BCLAF3: variants seen among roughly 807,000 people sequenced by gnomAD.
BCLAF3 encodes BCLAF1 and THRAP3 family member 3, also known as transient octamer binding factor 1.
A neutral mutation model predicts 51.2 loss-of-function variants in BCLAF3; 24 were observed. The ratio of observed to expected loss-of-function variants is 0.47; its 90% CI spans 0.34 to 0.66. The LOEUF (loss-of-function observed/expected upper bound fraction) is 0.66, where lower values mean the gene tolerates loss of function less well. Ranked by LOEUF, BCLAF3 falls within the 30% of genes least tolerant of loss-of-function variation. The pLI is 0.01. For synonymous variants in BCLAF3, 152 were observed against 176.6 expected, an observed-to-expected ratio of 0.86 and a Z score of 1.10; for missense variants, 465 against 525.1, an observed-to-expected ratio of 0.89 and a Z score of 1.12.
In BCLAF3 at chrX:19,950,746, T is replaced by C; in HGVS notation, c.1745+7A>G. On this transcript the variant is annotated splice_region_variant and intron_variant, in intron 8 of 11. Transcript: ENST00000379682. ...TGATAACAGGATGTTTGTCATCTAC[T>C]GATTACCTCTCTGCAGCACTAGCTA... The C allele has an allele frequency of 1.7e-6, 2 of 1,166,845 alleles. No individual in the cohort carries two copies. The highest frequency in any genetic ancestry group is 2.3e-6 in the Non-Finnish European group (2 of 858,074).
rs746307451 is a variant in BCLAF3 at position 19,974,999 on chromosome X, C to A, written c.-34-4701G>T. Among the ~76,000 whole-genome samples, 3 of 112,056 alleles carry A rather than the reference C, an allele frequency of 2.7e-5. No individual in the cohort carries two copies. The South Asian group carries it at 1.1e-3, about 41-fold the overall frequency. On this transcript the variant is annotated intron_variant, in intron 1 of 11. Coordinates refer to ENST00000379682, the MANE Select transcript of BCLAF3 (RefSeq NM_001367774.2). ...TTAGCTTTGGGGTGATGAAAATATT[C>A]TAAAATTAGATCAGATATTATGGAG...
intron 10 of BCLAF3, 119 bp downstream of exon 10, chrX:19,935,690 G>A (rs2070731868): frequency 3.5e-6 from 2 of 569,186 alleles, no homozygotes; most frequent in African/African-American, 2.3e-5. Flanking sequence ...AGAAATACTA[G>A]TTTATAGCTA....
chrX:19,938,655 C>T (rs1372219167), intron 8 of BCLAF3, among the ~76,000 whole-genome samples: 1 of 112,618 alleles, frequency 8.9e-6, no homozygotes, highest in East Asian at 2.8e-4. Context: ...CCTTGGCCTC[C>T]CAAAGTGCTG....
chrX:19,933,977 T>A (rs1427174331), intron 10 of BCLAF3, among the ~76,000 whole-genome samples: 2 of 110,987 alleles, frequency 1.8e-5, no homozygotes, highest in East Asian at 5.7e-4. Flanking sequence ...GGTTTTGCCA[T>A]GTTGCCCAGG....
intron 1 of BCLAF3, among the ~76,000 whole-genome samples, 126 bp downstream of exon 1, chrX:19,990,782 G>A (rs979182250): frequency 2.7e-5 from 3 of 111,717 alleles, no homozygotes; most frequent in Non-Finnish European, 5.7e-5. Flanking sequence ...AACAGAACCC[G>A]AGTCGGACCG....
chrX:19,929,831 C>T lies in BCLAF3; in HGVS notation c.2060G>A (p.Gly687Glu). The T allele has an allele frequency of 8.3e-7, 1 of 1,208,791 alleles. No individual in the cohort carries two copies. Among genetic ancestry groups the T allele is most frequent in the Non-Finnish European group, 1.1e-6 (1 of 894,063 alleles). ...TTCTCTGAACTTATGAGTGATAAAT[C>T]CCCTTGGGCCAGTGAACCGTAAACG... ...YQRLRFTGPR[G>E]FITHKFRERL... Residue 687 changes from glycine to glutamate, a missense_variant, in exon 11 of 12, where the codon GGA becomes GAA. Transcript: ENST00000379682.
At chrX:19,934,235 T>C (rs1195269041) in intron 10 of BCLAF3, among the ~76,000 whole-genome samples, 1 of 112,502 alleles carries the variant, frequency 8.9e-6, no homozygotes, top group Non-Finnish European at 1.9e-5. Context: ...TATGAATTTA[T>C]GTTAAAGTAT....
At chrX:19,946,128 C>T (rs1395961611) in intron 8 of BCLAF3, among the ~76,000 whole-genome samples, 17 of 111,037 alleles carry the variant, frequency 1.5e-4, no homozygotes, top group Admixed American at 1.2e-3. Flanking sequence ...CGCCCTGCTT[C>T]GGCTCGCGCC....
At chrX:19,938,185 T>G (rs905427498) in intron 8 of BCLAF3, among the ~76,000 whole-genome samples, 3 of 111,059 alleles carry the variant, frequency 2.7e-5, no homozygotes, top group African/African-American at 9.8e-5. Context: ...CCTTGGGGAT[T>G]CCTCTCCGTG....
intron 11 of BCLAF3, among the ~76,000 whole-genome samples, chrX:19,925,243 G>A (rs2070320654): frequency 9.0e-6 from 1 of 110,775 alleles, no homozygotes; most frequent in Admixed American, 9.6e-5. Context: ...GCTGTTTTTT[G>A]TTGGAGGCAG....
intron 11 of BCLAF3, among the ~76,000 whole-genome samples, chrX:19,920,473 T>C (rs1348294226): frequency 3.6e-5 from 4 of 111,098 alleles, no homozygotes; most frequent in Non-Finnish European, 5.7e-5. Flanking sequence ...TTCAACTCCA[T>C]TCAATAAGCA....
intron 1 of BCLAF3, among the ~76,000 whole-genome samples, chrX:19,977,808 T>C (rs1335234486): frequency 2.7e-5 from 3 of 111,853 alleles, no homozygotes; most frequent in African/African-American, 9.8e-5. Context: ...AAGGACAGCC[T>C]GACTCTCTTG....
intron 1 of BCLAF3, among the ~76,000 whole-genome samples, chrX:19,975,612 A>G (rs1342936985): frequency 1.8e-5 from 2 of 112,065 alleles, no homozygotes; most frequent in African/African-American, 6.5e-5. Flanking sequence ...CCAAAGGGCT[A>G]GGATTACAGG....
At chrX:19,964,837 G>A (rs2071990119) in intron 4 of BCLAF3, among the ~76,000 whole-genome samples, 1 of 111,245 alleles carries the variant, frequency 9.0e-6, no homozygotes, top group Non-Finnish European at 1.9e-5. Flanking sequence ...GAGATAGGAT[G>A]TGGAAACAAG....
At chrX:19,935,937 TAA>T in intron 9 of BCLAF3, 39 bp from the exon 10 acceptor site, 1 of 1,029,986 alleles carries the variant, frequency 9.7e-7, no homozygotes, top group South Asian at 1.9e-5. Context: ...TAACAGACTT[TAA>T]AGTTTACTTT....
chrX:19,945,589 G>A (rs2071246531), intron 8 of BCLAF3, among the ~76,000 whole-genome samples: 1 of 78,445 alleles, frequency 1.3e-5, no homozygotes, highest in South Asian at 4.2e-4. Flanking sequence ...GCTGCTCGGG[G>A]GTCAGGGGTC....
rs1235932679 is a variant in BCLAF3, at chrX:19,916,312, T to C, written c.*993A>G. 1 of 112,450 alleles carries C rather than the reference T, an allele frequency of 8.9e-6. No individual in the cohort carries two copies. The highest frequency in any genetic ancestry group is 1.9e-5 in the Non-Finnish European group (1 of 53,136). The allele number at this position is 112,450 out of a possible 1,213,427, so 9.3% of individuals were successfully genotyped here. Reference sequence around the variant, plus strand: ...ATTACAAATAAACATTTCACAAAAATGTAATTGGGAATGTATATGTACTGT... The same window carrying C: ...ATTACAAATAAACATTTCACAAAAACGTAATTGGGAATGTATATGTACTGT... On this transcript the variant is annotated 3_prime_UTR_variant, in exon 12 of 12. Coordinates refer to ENST00000379682, the MANE Select transcript of BCLAF3 (RefSeq NM_001367774.2).
At chrX:19,983,529 G>A (rs937161949) in intron 1 of BCLAF3, among the ~76,000 whole-genome samples, 8 of 106,404 alleles carry the variant, frequency 7.5e-5, no homozygotes, top group Non-Finnish European at 1.4e-4. Flanking sequence ...CGGCAAACAC[G>A]GCAAAACCCC....
At chrX:19,924,402 G>A (rs1489813088) in intron 11 of BCLAF3, among the ~76,000 whole-genome samples, 1 of 111,748 alleles carries the variant, frequency 8.9e-6, no homozygotes, top group Non-Finnish European at 1.9e-5. Flanking sequence ...GGAGCCTCCA[G>A]ATCCTAAGTG....
Sources: allele counts gnomAD v4.1 joint callset (sites outside exome capture counted in the v4.1 genomes callset), GRCh38; gene constraint gnomAD v4.1.1; transcripts MANE v1.5; gene names NCBI Gene and HGNC (gene_info 2026-07-23, HGNC 2026-07-21).